SPSB4: variants seen among roughly 807,000 people sequenced by gnomAD.
The protein encoded by SPSB4 is splA/ryanodine receptor domain and SOCS box containing 4, also known as SPRY domain-containing SOCS box protein 4.
In SPSB4, 21 loss-of-function variants were observed where a neutral mutation model predicts 20.9. The ratio of observed to expected loss-of-function variants is 1.01; its 90% CI spans 0.71 to 1.45. SPSB4 has a LOEUF of 1.45. Among genes scored for constraint, SPSB4 ranks in the 40% most tolerant of loss-of-function variants. SPSB4 has a pLI of 0.00. For synonymous variants in SPSB4, 207 were observed against 183.8 expected (o/e 1.13, Z -1.02); for missense variants, 399 against 399.2 (o/e 1.00, Z 0.00).
At chr3:141,103,328 C>T (rs886789023) in intron 2 of SPSB4, among the ~76,000 whole-genome samples, 7 of 152,194 alleles carry the variant, frequency 4.6e-5, no homozygotes, top group Non-Finnish European at 1.0e-4. Context: ...TACTCCAGGT[C>T]AGGCACAGTG....
In SPSB4 at chr3:141,066,346, C is replaced by T; in HGVS notation, c.242C>T (p.Ala81Val). 1.3e-6 allele frequency: 2 copies of T among 1,562,702 alleles called. No individual in the cohort carries two copies. Among genetic ancestry groups the T allele is most frequent in the Non-Finnish European group, 1.7e-6 (2 of 1,155,862 alleles). ...DRLTFHRHPV[A>V]QSTDGIRGKV... is the part of the protein sequence containing the mutation. ...CTCACCTTCCACCGGCACCCCGTGG[C>T]CCAGAGCACCGACGGCATCCGCGGC... Residue 81 changes from alanine to valine, a missense_variant, in exon 2 of 3, where the codon GCC becomes GTC. By Grantham distance (64) the Ala-to-Val change is moderately conservative. Transcript: ENST00000310546.
At chr3:141,130,466 C>T (rs1939115503) in intron 2 of SPSB4, among the ~76,000 whole-genome samples, 1 of 152,126 alleles carries the variant, frequency 6.6e-6, no homozygotes, top group African/African-American at 2.4e-5. Flanking sequence ...CATTTCATTC[C>T]CTGAAAACAA....
At chr3:141,118,614 A>G (rs184215748) in intron 2 of SPSB4, among the ~76,000 whole-genome samples, 374 of 152,220 alleles carry the variant, frequency 2.5e-3, no homozygotes, top group African/African-American at 8.5e-3. Flanking sequence ...TAGGGTTTTT[A>G]TGGTTTTAGT....
chr3:141,053,820 A>G (rs1370731394), intron 1 of SPSB4, among the ~76,000 whole-genome samples: 1 of 152,112 alleles, frequency 6.6e-6, no homozygotes, highest in Non-Finnish European at 1.5e-5. Context: ...ATTTCTCCCT[A>G]GCTCAGGACC....
intron 1 of SPSB4, among the ~76,000 whole-genome samples, chr3:141,063,800 T>A (rs1264379841): frequency 6.6e-6 from 1 of 152,244 alleles, no homozygotes. Flanking sequence ...AGGAGACACA[T>A]GTGGAGGAGG....
At chr3:141,092,068 G>A (rs1938460942) in intron 2 of SPSB4, among the ~76,000 whole-genome samples, 3 of 152,188 alleles carry the variant, frequency 2.0e-5, no homozygotes, top group Admixed American at 1.3e-4. Context: ...GGCAGCATGG[G>A]GACAGGCAAG....
chr3:141,072,895 A>G (rs1406882325), intron 2 of SPSB4, among the ~76,000 whole-genome samples: 1 of 152,196 alleles, frequency 6.6e-6, no homozygotes, highest in Admixed American at 6.5e-5. Flanking sequence ...TTTAGATCAT[A>G]CTGAAAACAT....
chr3:141,124,428 C>T lies in SPSB4; in HGVS notation c.695-22714C>T, dbSNP rs1939018861. Among the ~76,000 whole-genome samples, 3 of 152,202 alleles carry T rather than the reference C, an allele frequency of 2.0e-5. No homozygotes were observed. In the South Asian group the frequency reaches 6.2e-4, roughly 32 times the overall value. On this transcript the variant is annotated intron_variant, in intron 2 of 2. Coordinates refer to ENST00000310546, the MANE Select transcript of SPSB4 (RefSeq NM_080862.3). ...AACCAGGATCGTCTCATAAAACTCTCAGGTTTAGTCACCGTAATGATGAGA... is the reference window on the plus strand; with the variant it reads ...AACCAGGATCGTCTCATAAAACTCTTAGGTTTAGTCACCGTAATGATGAGA...
intron 2 of SPSB4, among the ~76,000 whole-genome samples, chr3:141,096,925 C>T (rs1938554680): frequency 6.6e-6 from 1 of 152,154 alleles, no homozygotes; most frequent in Admixed American, 6.5e-5. Flanking sequence ...TTGAAATGGG[C>T]CCATTGCCTT....
At chr3:141,136,769 A>G (rs1288162309) in intron 2 of SPSB4, among the ~76,000 whole-genome samples, 7 of 152,208 alleles carry the variant, frequency 4.6e-5, no homozygotes, top group Admixed American at 3.9e-4. Context: ...GAAGTGAGGT[A>G]GCGTGATGCC....
chr3:141,139,147 A>G (rs1173679002), intron 2 of SPSB4, among the ~76,000 whole-genome samples: 1 of 152,158 alleles, frequency 6.6e-6, no homozygotes, highest in African/African-American at 2.4e-5. Flanking sequence ...ATCAGAGACT[A>G]GGATTGCAAC....
intron 2 of SPSB4, among the ~76,000 whole-genome samples, chr3:141,114,842 A>G (rs1938859810): frequency 6.6e-6 from 1 of 152,256 alleles, no homozygotes; most frequent in Admixed American, 6.5e-5. Flanking sequence ...AAAATAAGAA[A>G]GGAAGTGTCT....
rs561609961 is a variant in SPSB4, at chr3:141,112,442, G to A, written c.695-34700G>A. On this transcript the variant is annotated intron_variant, in intron 2 of 2. Coordinates refer to ENST00000310546, the MANE Select transcript of SPSB4 (RefSeq NM_080862.3). ...GGGCGGATCACGAGGTCAGGAGATC[G>A]AGACCATCCCGGCTAAAACGGTGAA... Among the ~76,000 whole-genome samples the A allele has an allele frequency of 4.0e-5, 6 of 151,456 alleles. No homozygotes were observed. The East Asian group carries it at 5.8e-4, about 15-fold the overall frequency.
chr3:141,120,644 C>T (rs907576203), intron 2 of SPSB4, among the ~76,000 whole-genome samples: 1 of 152,110 alleles, frequency 6.6e-6, no homozygotes. Context: ...CTTGTTGAAT[C>T]GATCCCTTTA....
At chr3:141,139,319 C>A (rs1939282622) in intron 2 of SPSB4, among the ~76,000 whole-genome samples, 1 of 152,102 alleles carries the variant, frequency 6.6e-6, no homozygotes, top group African/African-American at 2.4e-5. Context: ...TTAATTGGAG[C>A]ATTTAGCCCA....
intron 2 of SPSB4, among the ~76,000 whole-genome samples, chr3:141,121,772 T>C (rs928397630): frequency 1.3e-5 from 2 of 152,214 alleles, no homozygotes; most frequent in African/African-American, 2.4e-5. Flanking sequence ...TCAGGTCATT[T>C]AAGGTCATCT....
At chr3:141,130,790 T>C (rs1576541276) in intron 2 of SPSB4, among the ~76,000 whole-genome samples, 2 of 152,204 alleles carry the variant, frequency 1.3e-5, no homozygotes, top group African/African-American at 2.4e-5. Context: ...CCCCATTTTA[T>C]TGATAGCTAA....
At chr3:141,082,755 G>A (rs1246378726) in intron 2 of SPSB4, among the ~76,000 whole-genome samples, 2 of 152,162 alleles carry the variant, frequency 1.3e-5, no homozygotes, top group Non-Finnish European at 2.9e-5. Context: ...CGGCTGAAAG[G>A]TTTCAGGGCC....
chr3:141,102,162 G>A (rs1268574805), intron 2 of SPSB4, among the ~76,000 whole-genome samples: 1 of 152,242 alleles, frequency 6.6e-6, no homozygotes, highest in East Asian at 1.9e-4. Flanking sequence ...TTATGAGAGG[G>A]CTCGGGGTCT....
Sources: gnomAD v4.1 joint callset for allele counts (sites outside exome capture counted in the v4.1 genomes callset) on GRCh38, gnomAD v4.1.1 for gene constraint, MANE v1.5 for transcripts, NCBI Gene and HGNC (gene_info 2026-07-23, HGNC 2026-07-21) for gene names.